POP4: variants seen among roughly 807,000 people sequenced by gnomAD.
The protein encoded by POP4 is ribonuclease P protein subunit p29.
Under a neutral mutation model 29.9 loss-of-function variants are expected in POP4, and 31 were observed. The ratio of observed to expected loss-of-function variants is 1.04; its 90% CI spans 0.78 to 1.40. The LOEUF (loss-of-function observed/expected upper bound fraction) is 1.40. POP4 is among the 40% of genes most tolerant of loss of function. POP4 has a pLI of 0.00. For missense variants in POP4, 286 were observed against 282.7 expected (o/e 1.01, Z -0.08); for synonymous variants, 110 against 108.2 (o/e 1.02, Z -0.10).
intron 2 of POP4, chr19:29,609,246 C>G (rs1267259041): frequency 6.5e-6 from 1 of 152,838 alleles, no homozygotes; most frequent in African/African-American, 2.4e-5. Flanking sequence ...AGATCATTGT[C>G]CTATTATAGT....
rs552374906 is a variant in POP4, at chr19:29,612,020, C to T, written c.362+81C>T. On this transcript the variant is annotated intron_variant, in intron 4 of 6. Coordinates refer to ENST00000585603, the MANE Select transcript of POP4 (RefSeq NM_006627.3). ...TTGTAAATGCGGCTTCAGGAACCAG[C>T]GTTGGTATTGCCTGGCTGCAGACGG... The T allele has an allele frequency of 1.8e-5, 29 of 1,581,546 alleles. No homozygotes were observed. The Admixed American group carries it at 2.7e-4, about 15-fold the overall frequency.
rs143408535 is a variant in POP4 at position 29,615,357 on chromosome 19, G to A, written c.640G>A (p.Ala214Thr). The A allele has an allele frequency of 7.3e-4, 1,172 of 1,613,540 alleles. 10 individuals are homozygous for A. The South Asian group carries it at 8.5e-3, about 12-fold the overall frequency. The change falls in exon 7 of 7, where the codon GCG (alanine) becomes ACG (threonine). Residue 214 changes from alanine to threonine, a missense_variant. Transcript: ENST00000585603. Reference sequence around the variant, plus strand: ...TGAACGGTCTGCGAAGAAGTTCAAAGCGAAGGGAACGATTGACCTGTGAAT... The same window carrying A: ...TGAACGGTCTGCGAAGAAGTTCAAAACGAAGGGAACGATTGACCTGTGAAT... The part of the protein sequence containing the change: ...SSERSAKKFK[A>T]KGTIDL
In POP4 at chr19:29,613,925, A is replaced by G. The variant is rs1971101700; in HGVS notation, c.479A>G (p.Glu160Gly). 1.2e-6 allele frequency: 2 copies of G among 1,613,878 alleles called. No homozygotes were observed. The highest frequency in any genetic ancestry group is 2.2e-5 in the South Asian group (2 of 91,042). The change falls in exon 6 of 7, where the codon GAA (glutamate) becomes GGA (glycine). Residue 160 changes from glutamate to glycine, a missense_variant. Coordinates refer to ENST00000585603, the MANE Select transcript of POP4 (RefSeq NM_006627.3). Reference protein sequence around the residue: ...YVGITGILLQETKHIFKIITK... With the variant: ...YVGITGILLQGTKHIFKIITK... The stretch of plus-strand genomic sequence containing the variant: ...GGTATTACAGGAATCCTTCTACAGG[A>G]AACAAAGCACATTTTCAAAATTATC...
chr19:29,615,052 T>C (rs188633624), intron 6 of POP4, among the ~76,000 whole-genome samples, 192 bp from the exon 7 acceptor site: 2 of 152,308 alleles, frequency 1.3e-5, no homozygotes, highest in African/African-American at 4.8e-5. Flanking sequence ...ACATTTAGCA[T>C]GTGACTAGAT....
chr19:29,608,382 T>G (rs1349090786), intron 1 of POP4, among the ~76,000 whole-genome samples: 2 of 147,732 alleles, frequency 1.4e-5, no homozygotes, highest in African/African-American at 5.0e-5. Context: ...TTCTCCTGCC[T>G]CAATCTCCCA....
At position 29,610,454 on chromosome 19, in the gene POP4, A is replaced by G; in HGVS notation, c.106A>G (p.Lys36Glu). The change falls in exon 3 of 7, where the codon AAG becomes GAG. Residue 36 changes from lysine (K) to glutamate (E), a missense_variant. By Grantham distance (56) the Lys-to-Glu change is moderately conservative. Coordinates refer to ENST00000585603, the MANE Select transcript of POP4 (RefSeq NM_006627.3). ...RAEAFVRAFL[K>E]RSTPRMSPQA... is the part of the protein sequence containing the mutation. The stretch of plus-strand genomic sequence containing the variant: ...CGAGGCCTTCGTGAGGGCCTTCCTG[A>G]AGCGCAGCACGCCCCGCATGAGCCC... The G allele has an allele frequency of 6.3e-7, 1 of 1,594,398 alleles. No individual in the cohort carries two copies. Among genetic ancestry groups the G allele is most frequent in the South Asian group, 1.1e-5 (1 of 88,750 alleles).
Position 29,611,792 on chromosome 19 carries a change from G to A in POP4, c.285-70G>A, listed in dbSNP as rs112466616. The stretch of plus-strand genomic sequence containing the variant: ...AGTTGTTGGCATCAAGTCAAGCTCT[G>A]TGCTATTTGGACATTGTCATCCCAA... On this transcript the variant is annotated intron_variant, in intron 3 of 6. Transcript: ENST00000585603. 3,242 of 1,308,730 alleles carry A rather than the reference G, an allele frequency of 2.5e-3. 64 individuals are homozygous for A. The African/African-American group carries it at 0.039, about 16-fold the overall frequency. The allele number at this position is 1,308,730 out of a possible 1,614,324, so 81.1% of individuals were successfully genotyped here. A position where few individuals can be genotyped will look rare whatever the true frequency, so the allele number is the denominator to read the frequency against.
chr19:29,611,994 A>G (rs1413081260), intron 4 of POP4, 55 bp downstream of exon 4: 11 of 1,593,928 alleles, frequency 6.9e-6, no homozygotes, highest in East Asian at 2.2e-5. Flanking sequence ...GCCTCTGATC[A>G]TTGTAAATGC....
intron 1 of POP4, 132 bp downstream of exon 1, chr19:29,606,457 C>T (rs1970998571): frequency 4.6e-6 from 5 of 1,079,596 alleles, no homozygotes; most frequent in Non-Finnish European, 6.3e-6. Context: ...ATGGGCCCAC[C>T]CTACCTAAGA....
At chr19:29,608,207 A>C (rs1268505779) in intron 1 of POP4, among the ~76,000 whole-genome samples, 2 of 148,310 alleles carry the variant, frequency 1.3e-5, no homozygotes, top group Non-Finnish European at 3.0e-5. Flanking sequence ...TCTCTGAATA[A>C]GCAGTTGTTC....
rs1478388260 is a variant in POP4 at position 29,610,565 on chromosome 19, G to A, written c.217G>A (p.Ala73Thr). 5 of 1,614,220 alleles carry A rather than the reference G, an allele frequency of 3.1e-6. No individual in the cohort carries two copies. Among genetic ancestry groups the A allele is most frequent in the Middle Eastern group, 1.6e-4 (1 of 6,062 alleles). Residue 73 changes from alanine to threonine, a missense_variant, in exon 3 of 7, where the codon GCC becomes ACC. By Grantham distance (58) the Ala-to-Thr change is moderately conservative. Coordinates refer to ENST00000585603, the MANE Select transcript of POP4 (RefSeq NM_006627.3). ...CAAGCGCAAGGAGAAGAAGAAGAAA[G>A]CCAAAGGCCTCTCTGCCAGGCAAAG... ...RHKRKEKKKK[A>T]KGLSARQRRE...
chr19:29,610,721 C>T, intron 3 of POP4, 89 bp downstream of exon 3: 1 of 1,338,884 alleles, frequency 7.5e-7, no homozygotes, highest in Non-Finnish European at 1.0e-6. Context: ...GGCAGCCTGG[C>T]TCCACCTAAG....
rs141978197 is a variant in POP4 at position 29,606,317 on chromosome 19, G to A, written c.-2G>A. 12 of 1,606,710 alleles carry A rather than the reference G, an allele frequency of 7.5e-6. No homozygotes were observed. The highest frequency in any genetic ancestry group is 8.5e-6 in the Non-Finnish European group (10 of 1,176,980). ...TCAGAGAGCGCCGGAAGCGGTCCGA[G>A]AATGAAGAGTAAGCGGGGCCGCGAA... is the stretch of plus-strand genomic sequence containing the variant. On this transcript the variant is annotated 5_prime_UTR_variant, in exon 1 of 7. Transcript: ENST00000585603.
intron 3 of POP4, 179 bp downstream of exon 3, chr19:29,610,811 A>C (rs1971059635): frequency 1.6e-6 from 1 of 632,166 alleles, no homozygotes; most frequent in Non-Finnish European, 2.7e-6. Context: ...GAGGCGGGTG[A>C]GACAGGACTC....
At chr19:29,610,681 GGT>G in intron 3 of POP4, 49 bp downstream of exon 3, 1 of 1,577,790 alleles carries the variant, frequency 6.3e-7, no homozygotes, top group Non-Finnish European at 8.6e-7. Context: ...TACCCTTCTT[GGT>G]GTGTGAACTT....
Position 29,615,284 on chromosome 19 carries a change from T to C in POP4, c.567T>C (p.Asp189=), listed in dbSNP as rs1299878820. Residue 189 remains aspartate, a synonymous_variant, in exon 7 of 7, where the codon GAT becomes GAC. Transcript: ENST00000585603. Reference sequence around the variant, plus strand: ...ACTGCGTGTTCACTGTGGAAACCGATGGCTTTATTTCCTACATTTACGGGA... The same window carrying C: ...ACTGCGTGTTCACTGTGGAAACCGACGGCTTTATTTCCTACATTTACGGGA... ...KLNCVFTVET[D]GFISYIYGSK... The C allele has an allele frequency of 6.2e-7, 1 of 1,611,518 alleles. No homozygotes were observed. Among genetic ancestry groups the C allele is most frequent in the African/African-American group, 1.3e-5 (1 of 74,518 alleles).
At position 29,610,384 on chromosome 19, in the gene POP4, G is replaced by A. The variant is rs530942822; in HGVS notation, c.61-25G>A. 5.2e-6 allele frequency: 8 copies of A among 1,532,296 alleles called. No individual in the cohort carries two copies. The Admixed American group carries it at 8.0e-5, about 15-fold the overall frequency. The allele number at this position is 1,532,296 out of a possible 1,614,324, so 94.9% of individuals were successfully genotyped here. On this transcript the variant is annotated intron_variant, in intron 2 of 6. Coordinates refer to ENST00000585603, the MANE Select transcript of POP4 (RefSeq NM_006627.3). ...GGCTGCCCAGACCGGAGCAGTGAGC[G>A]CCGCACCCCCTTGTCCGCCTGCAGC...
At chr19:29,608,838 C>G (rs547687176) in intron 2 of POP4, 129 bp downstream of exon 2, 2 of 885,090 alleles carry the variant, frequency 2.3e-6, no homozygotes, top group Admixed American at 2.1e-5. Context: ...TGGCAGACAT[C>G]TAAGGCTGGA....
chr19:29,612,726 A>AT (rs1971085090), intron 5 of POP4, among the ~76,000 whole-genome samples: 1 of 152,142 alleles, frequency 6.6e-6, no homozygotes, highest in African/African-American at 2.4e-5. Context: ...TTACTCAGTT[A>AT]TTTACACTGG....
Sources: gnomAD v4.1 joint callset for allele counts (sites outside exome capture counted in the v4.1 genomes callset) on GRCh38, gnomAD v4.1.1 for gene constraint, MANE v1.5 for transcripts, NCBI Gene and HGNC (gene_info 2026-07-23, HGNC 2026-07-21) for gene names.